KLHL1: variants seen among roughly 807,000 people sequenced by gnomAD.
The protein encoded by KLHL1 is kelch-like protein 1.
A neutral mutation model predicts 77.7 loss-of-function variants in KLHL1; 47 were observed. That is an observed-to-expected ratio of 0.60 (90% CI 0.48 to 0.77). KLHL1 has a LOEUF of 0.77. KLHL1 is among the 30% of genes least tolerant of loss of function. The pLI is 0.00. For missense variants in KLHL1, 925 were observed against 910.8 expected, an observed-to-expected ratio of 1.02 and a Z score of -0.20; for synonymous variants, 360 against 325.2, an observed-to-expected ratio of 1.11 and a Z score of -1.15.
chr13:70,088,788 C>T (rs1040341197), intron 1 of KLHL1, among the ~76,000 whole-genome samples: 5 of 152,040 alleles, frequency 3.3e-5, no homozygotes, highest in African/African-American at 1.2e-4. Flanking sequence ...ACATTTTTCT[C>T]ATTTATACTT....
intron 7 of KLHL1, among the ~76,000 whole-genome samples, chr13:69,774,990 C>T (rs908035525): frequency 6.6e-6 from 1 of 152,098 alleles, no homozygotes; most frequent in African/African-American, 2.4e-5. Context: ...AGGGGAAATG[C>T]TTTTTGGAAC....
At chr13:69,989,020 A>C (rs1371226974) in intron 1 of KLHL1, among the ~76,000 whole-genome samples, 1 of 152,128 alleles carries the variant, frequency 6.6e-6, no homozygotes, top group African/African-American at 2.4e-5. Flanking sequence ...CATTTTAACG[A>C]TGAAATCTTT....
intron 4 of KLHL1, among the ~76,000 whole-genome samples, chr13:69,915,748 C>A (rs1274461598): frequency 6.6e-6 from 1 of 151,998 alleles, no homozygotes; most frequent in Non-Finnish European, 1.5e-5. Context: ...CAAATGGGAT[C>A]TAATTAAACT....
At chr13:70,042,723 A>G (rs531355135) in intron 1 of KLHL1, among the ~76,000 whole-genome samples, 1 of 152,306 alleles carries the variant, frequency 6.6e-6, no homozygotes, top group African/African-American at 2.4e-5. Context: ...ACGGACTCCT[A>G]TGTTTATTTA....
chr13:70,075,746 C>A, intron 1 of KLHL1, among the ~76,000 whole-genome samples: 1 of 79,724 alleles, frequency 1.3e-5, no homozygotes, highest in African/African-American at 4.3e-5. Context: ...TATATATATA[C>A]ACACATACAC....
intron 4 of KLHL1, among the ~76,000 whole-genome samples, chr13:69,923,555 AATG>A (rs1159054446): frequency 6.6e-6 from 1 of 152,228 alleles, no homozygotes; most frequent in Non-Finnish European, 1.5e-5. Context: ...CTTGAATTAA[AATG>A]ATTATTATTA....
intron 9 of KLHL1, among the ~76,000 whole-genome samples, chr13:69,708,770 A>G (rs1450562088): frequency 6.6e-6 from 1 of 152,008 alleles, no homozygotes; most frequent in Non-Finnish European, 1.5e-5. Context: ...TTGCAGGTTC[A>G]GATACAAAAA....
At chr13:69,896,543 T>C (rs1484594313) in intron 4 of KLHL1, among the ~76,000 whole-genome samples, 1 of 152,186 alleles carries the variant, frequency 6.6e-6, no homozygotes, top group Non-Finnish European at 1.5e-5. Flanking sequence ...AGCTGATGGA[T>C]GACCCTCAGT....
At chr13:69,869,623 T>C (rs951954079) in intron 5 of KLHL1, among the ~76,000 whole-genome samples, 1 of 152,170 alleles carries the variant, frequency 6.6e-6, no homozygotes, top group African/African-American at 2.4e-5. Context: ...CTCTGAATAG[T>C]CACTGTGGAA....
intron 7 of KLHL1, among the ~76,000 whole-genome samples, chr13:69,755,983 G>A (rs1593800815): frequency 2.0e-5 from 3 of 152,184 alleles, no homozygotes; most frequent in African/African-American, 7.2e-5. Context: ...TTTTGTCCCA[G>A]GGGCCTCACT....
intron 2 of KLHL1, among the ~76,000 whole-genome samples, chr13:69,972,873 G>A (rs998914178): frequency 1.3e-5 from 2 of 151,760 alleles, no homozygotes; most frequent in Non-Finnish European, 2.9e-5. Context: ...ATATTGATCT[G>A]TCAACCTAAT....
intron 5 of KLHL1, among the ~76,000 whole-genome samples, chr13:69,861,472 T>C (rs1337647473): frequency 2.0e-5 from 3 of 152,212 alleles, no homozygotes; most frequent in East Asian, 1.9e-4. Flanking sequence ...CATGATTTCA[T>C]ATTGATGTTT....
intron 7 of KLHL1, among the ~76,000 whole-genome samples, chr13:69,781,015 C>T (rs2042458): frequency 0.21 from 31,276 of 151,078 alleles, 3,636 homozygotes; most frequent in South Asian, 0.33. Flanking sequence ...TTTCTTCCAG[C>T]ATAATATATC....
At chr13:69,814,230 A>G (rs1878024203) in intron 6 of KLHL1, among the ~76,000 whole-genome samples, 1 of 152,186 alleles carries the variant, frequency 6.6e-6, no homozygotes, top group Non-Finnish European at 1.5e-5. Flanking sequence ...CTCTCCACAC[A>G]TACAAAAATT....
chr13:69,706,392 C>T (rs1382861342), intron 10 of KLHL1, among the ~76,000 whole-genome samples: 2 of 151,712 alleles, frequency 1.3e-5, no homozygotes, highest in Non-Finnish European at 2.9e-5. Flanking sequence ...TTTTGTACTC[C>T]GAAGTTAGTC....
At chr13:70,029,306 T>C (rs965556232) in intron 1 of KLHL1, among the ~76,000 whole-genome samples, 4 of 152,134 alleles carry the variant, frequency 2.6e-5, no homozygotes, top group African/African-American at 9.7e-5. Context: ...TTCTATGGCA[T>C]TGAAAAGGCT....
chr13:69,822,163 A>AAC (rs1878364975), intron 6 of KLHL1, among the ~76,000 whole-genome samples: 1 of 146,934 alleles, frequency 6.8e-6, no homozygotes, highest in African/African-American at 2.6e-5. Context: ...CACCCACTGC[A>AAC]CTCCAGCCTG....
intron 4 of KLHL1, among the ~76,000 whole-genome samples, chr13:69,914,796 G>A (rs1882365800): frequency 6.6e-6 from 1 of 152,042 alleles, no homozygotes; most frequent in Admixed American, 6.6e-5. Context: ...AGGTAAGCAT[G>A]GGTCAATCAT....
chr13:69,782,499 A>G (rs1299641936), intron 7 of KLHL1, among the ~76,000 whole-genome samples: 2 of 152,162 alleles, frequency 1.3e-5, no homozygotes, highest in South Asian at 2.1e-4. Flanking sequence ...AAAAAATGGC[A>G]CACCAGGAGA....
Sources: allele counts gnomAD v4.1 joint callset (sites outside exome capture counted in the v4.1 genomes callset), GRCh38; gene constraint gnomAD v4.1.1; transcripts MANE v1.5; gene names NCBI Gene and HGNC (gene_info 2026-07-23, HGNC 2026-07-21).